Variants in ARHGAP44 observed in about 807,000 individuals in gnomAD.
The protein encoded by ARHGAP44 is Rho GTPase activating protein 44, also known as rho GTPase-activating protein 44.
Under a neutral mutation model 106.8 loss-of-function variants are expected in ARHGAP44, and 43 were observed. The observed-to-expected ratio is 0.40, with a 90% CI of 0.32 to 0.52. ARHGAP44 has a LOEUF of 0.52. ARHGAP44 is among the 20% of genes least tolerant of loss of function. The pLI is 0.48. For missense variants in ARHGAP44, 866 were observed against 1,050.5 expected (o/e 0.82, Z 2.43); for synonymous variants, 439 against 410.3 (o/e 1.07, Z -0.85).
intron 3 of ARHGAP44, among the ~76,000 whole-genome samples, chr17:12,906,973 A>G (rs1174909203): frequency 1.3e-5 from 2 of 152,214 alleles, no homozygotes; most frequent in East Asian, 1.9e-4. Flanking sequence ...AAAAAACAGA[A>G]AAAAAGGAAA....
chr17:12,861,669 C>A (rs929173349), intron 1 of ARHGAP44, among the ~76,000 whole-genome samples: 17 of 520 alleles, frequency 0.033, 3 homozygotes, highest in Admixed American at 0.068. Context: ...GAGATGGAAT[C>A]TTGCTCAGTC....
chr17:12,807,544 G>A (rs111398672), intron 1 of ARHGAP44, among the ~76,000 whole-genome samples: 8,262 of 152,258 alleles, frequency 0.054, 279 homozygotes, highest in Middle Eastern at 0.11. Context: ...AAGGGAGTAC[G>A]TATAGGGGAA....
At chr17:12,904,694 T>C (rs1288585528) in intron 3 of ARHGAP44, among the ~76,000 whole-genome samples, 1 of 152,192 alleles carries the variant, frequency 6.6e-6, no homozygotes, top group African/African-American at 2.4e-5. Context: ...CAGAGTGGTG[T>C]GTATATTTAG....
At chr17:12,953,250 G>A (rs1265762516) in intron 13 of ARHGAP44, among the ~76,000 whole-genome samples, 4 of 152,070 alleles carry the variant, frequency 2.6e-5, no homozygotes, top group African/African-American at 4.8e-5. Context: ...GCTACCACCC[G>A]AGCTTCCACT....
At chr17:12,802,930 TA>T (rs2034142712) in intron 1 of ARHGAP44, among the ~76,000 whole-genome samples, 3 of 9,174 alleles carry the variant, frequency 3.3e-4, no homozygotes, top group Admixed American at 3.9e-3. Context: ...GGCTAATTTA[TA>T]TATATATATA....
chr17:12,969,844 A>C (rs1351294134), intron 16 of ARHGAP44, among the ~76,000 whole-genome samples: 1 of 152,212 alleles, frequency 6.6e-6, no homozygotes, highest in Non-Finnish European at 1.5e-5. Flanking sequence ...GAAATGCCGG[A>C]AACAGGAAGG....
rs1215529805 is a variant in ARHGAP44, at chr17:12,916,693, T to G, written c.387+682T>G. Among the ~76,000 whole-genome samples, 3 of 152,328 alleles carry G rather than the reference T, an allele frequency of 2.0e-5. No homozygotes were observed. The East Asian group carries it at 5.8e-4, about 29-fold the overall frequency. The stretch of plus-strand genomic sequence containing the variant: ...AGCCATCGTGCCCAGCTGCAGTGTA[T>G]GTTTATATGGGTCCCTTGTCTTTGG... On this transcript the variant is annotated intron_variant, in intron 5 of 20. Transcript: ENST00000379672.
Position 12,974,175 on chromosome 17 carries a change from T to A in ARHGAP44, c.1628T>A (p.Met543Lys). 1.3e-6 allele frequency: 2 copies of A among 1,550,680 alleles called. No homozygotes were observed. Among genetic ancestry groups the A allele is most frequent in the South Asian group, 1.2e-5 (1 of 84,106 alleles). The change falls in exon 18 of 21, where the codon ATG becomes AAG. Residue 543 changes from methionine (M) to lysine (K), a missense_variant. This residue lies in a region of ARHGAP44 where 418 missense variants were observed against 403.6 expected (regional missense o/e 1.04). Coordinates refer to ENST00000379672, the MANE Select transcript of ARHGAP44 (RefSeq NM_014859.6). ...GRKVSCAPPS[M>K]QPPAPPAELA... ...AAAGTGTCCTGCGCCCCGCCCTCCA[T>A]GCAGCCTCCCGCCCCGCCCGCCGAG...
chr17:12,987,014 G>A, intron 20 of ARHGAP44: 2 of 1,243,588 alleles, frequency 1.6e-6, no homozygotes, highest in South Asian at 1.3e-5. Flanking sequence ...CTGTGATATT[G>A]GCATAGCTTT....
At chr17:12,963,606 TGTGTGCAGACAGGCTGG>T in intron 16 of ARHGAP44, among the ~76,000 whole-genome samples, 1 of 151,950 alleles carries the variant, frequency 6.6e-6, no homozygotes, top group Admixed American at 6.6e-5. Context: ...ACCAATGCTG[TGTGTGCAGACAGGCTGG>T]CTTTGCACCA....
intron 1 of ARHGAP44, among the ~76,000 whole-genome samples, chr17:12,868,016 G>A (rs1318777883): frequency 6.6e-6 from 1 of 152,206 alleles, no homozygotes; most frequent in African/African-American, 2.4e-5. Flanking sequence ...AGAGACGGTG[G>A]ATGAGGGAGG....
Position 12,796,079 on chromosome 17 carries a change from C to G in ARHGAP44, c.53+6188C>G, listed in dbSNP as rs138742618. ...AGGAAAAAAAAATCACCTATAATCT[C>G]ATTACCCAGAGACCATAGTTAATAT... On this transcript the variant is annotated intron_variant, in intron 1 of 20. Transcript: ENST00000379672. Among the ~76,000 whole-genome samples, 642 of 152,208 alleles carry G rather than the reference C, an allele frequency of 4.2e-3. 2 individuals carry two copies. The highest frequency in any genetic ancestry group is 0.014 in the African/African-American group (590 of 41,530).
intron 3 of ARHGAP44, among the ~76,000 whole-genome samples, chr17:12,900,755 CAAG>C (rs578060502): frequency 3.2e-4 from 48 of 152,074 alleles, no homozygotes; most frequent in Admixed American, 2.9e-3. Flanking sequence ...GTCTTAGTGC[CAAG>C]AAGAAGTGCT....
chr17:12,976,029 TTTCTC>T, intron 18 of ARHGAP44, among the ~76,000 whole-genome samples: 1 of 152,160 alleles, frequency 6.6e-6, no homozygotes, highest in African/African-American at 2.4e-5. Context: ...GTTTCTATCT[TTTCTC>T]AAACAGCAAT....
At chr17:12,848,773 C>T (rs1255687417) in intron 1 of ARHGAP44, among the ~76,000 whole-genome samples, 1 of 152,136 alleles carries the variant, frequency 6.6e-6, no homozygotes, top group Non-Finnish European at 1.5e-5. Context: ...TGAGGCTGGG[C>T]ACGGTGGCTC....
intron 15 of ARHGAP44, among the ~76,000 whole-genome samples, chr17:12,957,388 G>T (rs1439033067): frequency 6.6e-6 from 1 of 152,192 alleles, no homozygotes; most frequent in East Asian, 1.9e-4. Context: ...GAATGCTTGT[G>T]CAGGAAGGAA....
At chr17:12,941,406 G>A (rs746296431) in intron 8 of ARHGAP44, among the ~76,000 whole-genome samples, 4 of 152,098 alleles carry the variant, frequency 2.6e-5, no homozygotes, top group Non-Finnish European at 5.9e-5. Flanking sequence ...GCAATATCTG[G>A]AGACATTTTT....
chr17:12,883,170 T>C (rs1392356846), intron 1 of ARHGAP44, among the ~76,000 whole-genome samples: 1 of 125,938 alleles, frequency 7.9e-6, no homozygotes, highest in African/African-American at 2.5e-5. Flanking sequence ...GGCCATTTTG[T>C]CTAAGTTTTT....
At chr17:12,937,474 T>G (rs1462502816) in intron 7 of ARHGAP44, among the ~76,000 whole-genome samples, 1 of 152,174 alleles carries the variant, frequency 6.6e-6, no homozygotes, top group Non-Finnish European at 1.5e-5. Flanking sequence ...CAGTACTGGT[T>G]TTCCTGCCCC....
Sources: gnomAD v4.1 joint callset for allele counts (sites outside exome capture counted in the v4.1 genomes callset) on GRCh38, gnomAD v4.1.1 for gene constraint, gnomAD v4.1.1 regional missense constraint, MANE v1.5 for transcripts, NCBI Gene and HGNC (gene_info 2026-07-23, HGNC 2026-07-21) for gene names.